LINC00632: variants seen among roughly 807,000 people sequenced by gnomAD.
The protein encoded by LINC00632 is ALDOA related specific transcript.
At chrX:140,785,184 T>TATAATA (rs777271354) in exon 5 of LINC00632, among the ~76,000 whole-genome samples, 35 of 104,795 alleles carry the variant, frequency 3.3e-4, no homozygotes, top group African/African-American at 1.2e-3. Flanking sequence ...ATAATAATAA[T>TATAATA]ATAATAATAA....
chrX:140,730,939 CTGCCCAGGCTGGAGTGCAGTGG>C (rs1194503957), intron 2 of LINC00632, among the ~76,000 whole-genome samples: 1 of 109,322 alleles, frequency 9.1e-6, no homozygotes, highest in Non-Finnish European at 1.9e-5. Flanking sequence ...TCTTGCTCTG[CTGCCCAGGCTGGAGTGCAGTGG>C]TGCAATCTCG....
At chrX:140,769,169 A>G (rs939609697) in intron 3 of LINC00632, among the ~76,000 whole-genome samples, 1 of 111,578 alleles carries the variant, frequency 9.0e-6, no homozygotes, top group African/African-American at 3.3e-5. Context: ...TTATTGAGTA[A>G]GCACAACACA....
exon 5 of LINC00632, chrX:140,783,803 C>T (rs753048837): frequency 1.7e-6 from 2 of 1,207,487 alleles, no homozygotes; most frequent in African/African-American, 1.8e-5. Flanking sequence ...TCCAGAAAAT[C>T]CATGTCTTCC....
chrX:140,719,516 G>A (rs1930693272), intron 2 of LINC00632, among the ~76,000 whole-genome samples: 1 of 108,876 alleles, frequency 9.2e-6, no homozygotes, highest in Admixed American at 9.8e-5. Context: ...GGCTGGTCTC[G>A]AACTCCTGAC....
At chrX:140,711,945 T>C (rs1236716227) in intron 2 of LINC00632, 1 of 125,675 alleles carries the variant, frequency 8.0e-6, no homozygotes, top group Non-Finnish European at 1.6e-5. Context: ...AGAATTCATT[T>C]TGATATATGG....
At chrX:140,723,940 CACATTCCATACACAT>C (rs1435042336) in intron 2 of LINC00632, among the ~76,000 whole-genome samples, 22 of 109,057 alleles carry the variant, frequency 2.0e-4, no homozygotes, top group African/African-American at 7.3e-4. Flanking sequence ...TCCATACACA[CACATTCCATACACAT>C]GCACAGTTAC....
chrX:140,790,481 G>A (rs185935224), exon 5 of LINC00632, among the ~76,000 whole-genome samples: 12,046 of 110,631 alleles, frequency 0.11, 635 homozygotes, highest in Non-Finnish European at 0.16. Context: ...TTTGACATAT[G>A]ATGGGACTGC....
chrX:140,710,713 G>GA (rs1569345902), intron 1 of LINC00632, among the ~76,000 whole-genome samples: 1 of 110,714 alleles, frequency 9.0e-6, no homozygotes, highest in Non-Finnish European at 1.9e-5. Context: ...GTGAGGAAAA[G>GA]AAAAATGATA....
chrX:140,712,855 G>C (rs1174248171), intron 2 of LINC00632, among the ~76,000 whole-genome samples: 1 of 106,825 alleles, frequency 9.4e-6, no homozygotes, highest in South Asian at 4.4e-4. Flanking sequence ...GATTCTGGGG[G>C]GGAAAAAAAA....
At chrX:140,733,301 T>C (rs928817844) in intron 2 of LINC00632, among the ~76,000 whole-genome samples, 4 of 112,028 alleles carry the variant, frequency 3.6e-5, no homozygotes, top group African/African-American at 6.5e-5. Flanking sequence ...TAGAAACATG[T>C]GCATAGCCAC....
At chrX:140,744,609 G>A (rs768552362) in intron 3 of LINC00632, among the ~76,000 whole-genome samples, 22 of 103,468 alleles carry the variant, frequency 2.1e-4, no homozygotes, top group Non-Finnish European at 3.5e-4. Flanking sequence ...TTGCTTTGTC[G>A]CCCAGGCCGG....
intron 2 of LINC00632, among the ~76,000 whole-genome samples, chrX:140,724,008 TACACAC>T (rs749811504): frequency 1.1e-4 from 2 of 18,800 alleles, no homozygotes; most frequent in African/African-American, 3.3e-4. Flanking sequence ...ACACACACCA[TACACAC>T]ACACAGACAC....
intron 3 of LINC00632, among the ~76,000 whole-genome samples, chrX:140,765,968 A>C (rs1322404452): frequency 2.7e-5 from 3 of 112,169 alleles, no homozygotes; most frequent in Non-Finnish European, 3.8e-5. Flanking sequence ...CTTTTCTTAA[A>C]ATCTTTTGAG....
intron 2 of LINC00632, among the ~76,000 whole-genome samples, chrX:140,730,004 G>A (rs895095288): frequency 1.3e-4 from 14 of 107,378 alleles, no homozygotes; most frequent in African/African-American, 4.8e-4. Context: ...AGCCTCCCCA[G>A]TAGCTGAGAC....
exon 5 of LINC00632, among the ~76,000 whole-genome samples, chrX:140,788,579 GTT>G (rs1932052568): frequency 9.2e-6 from 1 of 109,205 alleles, no homozygotes; most frequent in African/African-American, 3.3e-5. Context: ...ATGTTAATGT[GTT>G]TTTATTGATA....
chrX:140,767,109 C>T (rs1931704419), intron 3 of LINC00632, among the ~76,000 whole-genome samples: 1 of 111,525 alleles, frequency 9.0e-6, no homozygotes, highest in Non-Finnish European at 1.9e-5. Context: ...AAAATCTTAA[C>T]ATCATTAGTT....
intron 3 of LINC00632, among the ~76,000 whole-genome samples, chrX:140,736,436 C>CTTTTTTTTTTTTTTTTTT (rs748293491): frequency 2.0e-5 from 1 of 50,054 alleles, no homozygotes; most frequent in African/African-American, 5.7e-5. Flanking sequence ...TCTTCTTCTT[C>CTTTTTTTTTTTTTTTTTT]TTTTTTTTTT....
intron 2 of LINC00632, among the ~76,000 whole-genome samples, chrX:140,723,600 C>G (rs796275676): frequency 1.9e-3 from 4 of 2,097 alleles, no homozygotes; most frequent in Non-Finnish European, 3.9e-3. Context: ...CATACACAGA[C>G]ACACATTCCA....
At chrX:140,723,266 TACAC>T (rs1206368197) in intron 2 of LINC00632, among the ~76,000 whole-genome samples, 3 of 16,499 alleles carry the variant, frequency 1.8e-4, no homozygotes, top group African/African-American at 1.9e-4. Flanking sequence ...ACACATTCCA[TACAC>T]ACACACACAT....
Sources: allele counts gnomAD v4.1 joint callset (sites outside exome capture counted in the v4.1 genomes callset), GRCh38; gene constraint gnomAD v4.1.1; transcripts MANE v1.5; gene names NCBI Gene and HGNC (gene_info 2026-07-23, HGNC 2026-07-21).